Variants in UQCC1 observed in about 807,000 individuals in gnomAD.
The protein encoded by UQCC1 is ubiquinol-cytochrome c reductase complex assembly factor 1.
UQCC1 carries 38 observed loss-of-function variants against 48.0 expected under a neutral mutation model. That is an observed-to-expected ratio of 0.79 (90% CI 0.61 to 1.04). The LOEUF (loss-of-function observed/expected upper bound fraction) is 1.04, where lower values mean the gene tolerates loss of function less well. UQCC1 is among the 50% of genes least tolerant of loss of function. The probability of loss-of-function intolerance (pLI) is 0.00; values close to 1 mark genes in which losing one functional copy is unlikely to be tolerated. For missense variants in UQCC1, 368 were observed against 381.8 expected (o/e 0.96, Z 0.30); for synonymous variants, 111 against 129.2 (o/e 0.86, Z 0.95).
At chr20:35,329,854 A>G (rs982373755) in intron 7 of UQCC1, among the ~76,000 whole-genome samples, 5 of 152,250 alleles carry the variant, frequency 3.3e-5, no homozygotes, top group Non-Finnish European at 7.3e-5. Context: ...TACTACTGCA[A>G]CCACTGCTTT....
rs186702085 is a variant in UQCC1, at chr20:35,409,259, A to G, written c.24+2681T>C. ...CAAGGCGGGCAGATCACCTGAGGTC[A>G]GGAATTCAAGATCAGCCTGGCTAAA... is the stretch of plus-strand genomic sequence containing the variant. On this transcript the variant is annotated intron_variant, in intron 1 of 9. Transcript: ENST00000374385. 2.7e-3 allele frequency: 409 copies of G among 153,062 alleles called. 6 individuals are homozygous for G. The highest frequency in any genetic ancestry group is 0.01 in the Middle Eastern group (3 of 300). The allele number at this position is 153,062 out of a possible 1,614,324, so 9.5% of individuals were successfully genotyped here. A position where few individuals can be genotyped will look rare whatever the true frequency, so the allele number is the denominator to read the frequency against.
chr20:35,309,340 G>A (rs2060964669), intron 8 of UQCC1: 1 of 373,464 alleles, frequency 2.7e-6, no homozygotes, highest in Non-Finnish European at 5.4e-6. Context: ...GATGAGGTGG[G>A]ATGATCACCT....
At chr20:35,329,558 A>G (rs1224003533) in intron 7 of UQCC1, among the ~76,000 whole-genome samples, 1 of 152,234 alleles carries the variant, frequency 6.6e-6, no homozygotes, top group Non-Finnish European at 1.5e-5. Context: ...TTTTGGGGGA[A>G]ACAAAGTGAG....
At chr20:35,345,044 T>G (rs1204659577) in intron 7 of UQCC1, 1 of 152,296 alleles carries the variant, frequency 6.6e-6, no homozygotes, top group East Asian at 1.9e-4. Context: ...TCTGGACAGC[T>G]GCACACCAGG....
intron 6 of UQCC1, among the ~76,000 whole-genome samples, chr20:35,356,293 A>G (rs774980736): frequency 6.6e-6 from 1 of 152,248 alleles, no homozygotes; most frequent in Non-Finnish European, 1.5e-5. Context: ...TCATCCACAG[A>G]CACCCCAGTG....
intron 7 of UQCC1, among the ~76,000 whole-genome samples, chr20:35,343,062 A>C (rs917214195): frequency 1.3e-5 from 2 of 152,146 alleles, no homozygotes; most frequent in African/African-American, 4.8e-5. Flanking sequence ...TTATTTCTTG[A>C]TCTTCCACAC....
chr20:35,366,614 C>T lies in UQCC1; in HGVS notation c.407G>A (p.Arg136Lys), dbSNP rs1355269174. The change falls in exon 6 of 10, where the codon AGG becomes AAG. Residue 136 changes from arginine (R) to lysine (K), a missense_variant and splice_region_variant. Physicochemically the swap from Arg to Lys is conservative, Grantham distance 26. Coordinates refer to ENST00000374385, the MANE Select transcript of UQCC1 (RefSeq NM_018244.5). ...ATTGAATGTATCAGGCATCTGACAC[C>T]CTAGAAAATAACAATAAGGTATAAG... ...EKTDFEEFFL[R>K]CQMPDTFNSW... 6.2e-7 allele frequency: 1 copy of T among 1,612,698 alleles called. No individual in the cohort carries two copies. The highest frequency in any genetic ancestry group is 1.3e-5 in the African/African-American group (1 of 74,936).
chr20:35,313,249 G>A (rs888072721), intron 8 of UQCC1, among the ~76,000 whole-genome samples: 82 of 151,594 alleles, frequency 5.4e-4, no homozygotes, highest in African/African-American at 1.6e-3. Context: ...GGTGGCAGGC[G>A]CCTGTAGTCC....
chr20:35,372,561 A>T (rs968224666), intron 5 of UQCC1, among the ~76,000 whole-genome samples: 1 of 152,114 alleles, frequency 6.6e-6, no homozygotes, highest in Non-Finnish European at 1.5e-5. Context: ...TATTTATTTG[A>T]TTTTTAAAAA....
chr20:35,363,028 TAAAA>T (rs60988214), intron 6 of UQCC1, among the ~76,000 whole-genome samples: 23 of 80,684 alleles, frequency 2.9e-4, no homozygotes, highest in African/African-American at 8.8e-4. Flanking sequence ...TCCTTAAAAC[TAAAA>T]AAAAAAAAAA....
intron 6 of UQCC1, among the ~76,000 whole-genome samples, 189 bp downstream of exon 6, chr20:35,366,368 T>C (rs2061666323): frequency 6.6e-6 from 1 of 152,238 alleles, no homozygotes; most frequent in African/African-American, 2.4e-5. Flanking sequence ...ATTAGTTTCC[T>C]TCTGGGCTTA....
chr20:35,352,889 T>C (rs1291687501), intron 6 of UQCC1, among the ~76,000 whole-genome samples: 1 of 152,122 alleles, frequency 6.6e-6, no homozygotes, highest in Non-Finnish European at 1.5e-5. Flanking sequence ...CTCACCATCT[T>C]GCCCAGGCTG....
Position 35,367,092 on chromosome 20 carries a change from T to TAAAAAAAAAAAAA in UQCC1, c.407-491_407-479dup, listed in dbSNP as rs72469122. Among the ~76,000 whole-genome samples the TAAAAAAAAAAAAA allele has an allele frequency of 1.2e-4, 12 of 101,742 alleles. 1 individual carries two copies. Among genetic ancestry groups the TAAAAAAAAAAAAA allele is most frequent in the Non-Finnish European group, 2.2e-4 (11 of 49,994 alleles). The allele number at this position is 101,742 out of a possible 152,430, so 66.7% of individuals were successfully genotyped here. A position where few individuals can be genotyped will look rare whatever the true frequency, so the allele number is the denominator to read the frequency against. ...CTGGGCAATAGAGTGAGACTCTGTCTAAAAAAAAAAAAAAAAACAAACAAA... is the reference window on the plus strand; with the variant it reads ...CTGGGCAATAGAGTGAGACTCTGTCTAAAAAAAAAAAAAAAAAAAAAAAAAAAAAACAAACAAA... On this transcript the variant is annotated intron_variant, in intron 5 of 9. Coordinates refer to ENST00000374385, the MANE Select transcript of UQCC1 (RefSeq NM_018244.5).
At chr20:35,336,495 A>G (rs1032068031) in intron 7 of UQCC1, among the ~76,000 whole-genome samples, 1 of 152,252 alleles carries the variant, frequency 6.6e-6, no homozygotes, top group Non-Finnish European at 1.5e-5. Flanking sequence ...AAGAAAAGGC[A>G]ACATGACTAC....
At chr20:35,388,425 G>T (rs1461265748) in intron 2 of UQCC1, among the ~76,000 whole-genome samples, 1 of 150,654 alleles carries the variant, frequency 6.6e-6, no homozygotes, top group Non-Finnish European at 1.5e-5. Flanking sequence ...CTGAGTACCT[G>T]GGAACACAGA....
intron 2 of UQCC1, among the ~76,000 whole-genome samples, chr20:35,393,503 AACACACACACACACAC>A (rs3055772): frequency 6.8e-6 from 1 of 146,794 alleles, no homozygotes; most frequent in Non-Finnish European, 1.5e-5. Flanking sequence ...AACACACACA[AACACACACACACACAC>A]ACACACACAC....
chr20:35,305,897 T>G (rs1005593310), intron 9 of UQCC1, among the ~76,000 whole-genome samples: 9 of 152,160 alleles, frequency 5.9e-5, no homozygotes, highest in African/African-American at 2.2e-4. Context: ...AGTGGTCACA[T>G]GAATCACACA....
intron 6 of UQCC1, among the ~76,000 whole-genome samples, chr20:35,359,295 A>C (rs1426035687): frequency 6.6e-6 from 1 of 152,236 alleles, no homozygotes; most frequent in African/African-American, 2.4e-5. Flanking sequence ...AAGTAACTTA[A>C]GGTTGCACGG....
intron 7 of UQCC1, among the ~76,000 whole-genome samples, chr20:35,335,025 C>T (rs976513430): frequency 3.3e-5 from 5 of 152,072 alleles, no homozygotes; most frequent in African/African-American, 9.7e-5. Flanking sequence ...CTAAAATTGT[C>T]GGTAAAATAA....
Sources: gnomAD v4.1 joint callset for allele counts (sites outside exome capture counted in the v4.1 genomes callset) on GRCh38, gnomAD v4.1.1 for gene constraint, MANE v1.5 for transcripts, NCBI Gene and HGNC (gene_info 2026-07-23, HGNC 2026-07-21) for gene names.